CDKAL1: variants seen among roughly 807,000 people sequenced by gnomAD.
The protein encoded by CDKAL1 is CDKAL1 threonylcarbamoyladenosine tRNA methylthiotransferase.
Under a neutral mutation model 68.2 loss-of-function variants are expected in CDKAL1, and 32 were observed. The observed-to-expected ratio is 0.47, with a 90% CI of 0.35 to 0.63. The LOEUF (loss-of-function observed/expected upper bound fraction) is 0.63, where lower values mean the gene tolerates loss of function less well. Among genes scored for constraint, CDKAL1 ranks in the 30% least tolerant of loss-of-function variants. CDKAL1 has a pLI of 0.00. For synonymous variants in CDKAL1, 234 were observed against 244.3 expected (o/e 0.96, Z 0.39); for missense variants, 606 against 696.7 (o/e 0.87, Z 1.47).
intron 12 of CDKAL1, among the ~76,000 whole-genome samples, chr6:21,101,185 A>G (rs1255066226): frequency 6.6e-6 from 1 of 152,222 alleles, no homozygotes; most frequent in Non-Finnish European, 1.5e-5. Context: ...GCAGTAGCTG[A>G]AAGACAGTAG....
At chr6:21,169,733 A>G (rs1354116664) in intron 13 of CDKAL1, among the ~76,000 whole-genome samples, 1 of 152,162 alleles carries the variant, frequency 6.6e-6, no homozygotes, top group Non-Finnish European at 1.5e-5. Context: ...TTTATAAAGG[A>G]AAGAGGCTTA....
At chr6:20,758,555 C>T (rs755587392) in intron 6 of CDKAL1, 40 bp from the exon 7 acceptor site, 26 of 1,570,060 alleles carry the variant, frequency 1.7e-5, no homozygotes, top group Admixed American at 7.4e-5. Flanking sequence ...TTTGTTTCTT[C>T]GTGTAAATTA....
Position 20,767,650 on chromosome 6 carries a change from ACTTTT to A in CDKAL1, c.517+9012_517+9016del, listed in dbSNP as rs528223502. ...GAATAATTAATTAGGTGTAGGATAA[ACTTTT>A]CTTTAGTGATGTTATGGATCTTTTC... On this transcript the variant is annotated intron_variant, in intron 7 of 15. Transcript: ENST00000274695. Among the ~76,000 whole-genome samples, 124 of 152,240 alleles carry A rather than the reference ACTTTT, an allele frequency of 8.1e-4. 1 individual carries two copies. The highest frequency in any genetic ancestry group is 2.7e-3 in the African/African-American group (114 of 41,566).
intron 9 of CDKAL1, among the ~76,000 whole-genome samples, chr6:20,847,709 A>T (rs558390662): frequency 6.6e-6 from 1 of 152,342 alleles, no homozygotes; most frequent in South Asian, 2.1e-4. Flanking sequence ...TCATGGCTTT[A>T]TATGGACACA....
At chr6:20,732,808 C>T (rs1411242307) in intron 5 of CDKAL1, among the ~76,000 whole-genome samples, 1 of 152,078 alleles carries the variant, frequency 6.6e-6, no homozygotes, top group Admixed American at 6.5e-5. Flanking sequence ...TTCATTTTTC[C>T]CATGTAGTTT....
intron 13 of CDKAL1, among the ~76,000 whole-genome samples, chr6:21,193,769 G>A (rs1272746220): frequency 6.6e-6 from 1 of 151,920 alleles, no homozygotes; most frequent in African/African-American, 2.4e-5. Context: ...TCCTATCCTT[G>A]AATGTTACAA....
chr6:20,810,238 C>T (rs929939022), intron 8 of CDKAL1, among the ~76,000 whole-genome samples: 42 of 152,224 alleles, frequency 2.8e-4, no homozygotes, highest in African/African-American at 9.9e-4. Flanking sequence ...TGTCTTCCAC[C>T]ACCCTTGCCC....
chr6:20,944,799 T>C (rs1764155758), intron 9 of CDKAL1, among the ~76,000 whole-genome samples: 1 of 152,222 alleles, frequency 6.6e-6, no homozygotes, highest in South Asian at 2.1e-4. Flanking sequence ...GATATATATG[T>C]TATTATAATG....
chr6:21,203,000 T>C (rs1778750923), intron 15 of CDKAL1, among the ~76,000 whole-genome samples: 1 of 152,018 alleles, frequency 6.6e-6, no homozygotes, highest in South Asian at 2.1e-4. Flanking sequence ...GGTAGGAATA[T>C]TGATTTGGGT....
At chr6:20,770,220 G>A (rs1215156127) in intron 7 of CDKAL1, among the ~76,000 whole-genome samples, 4 of 151,932 alleles carry the variant, frequency 2.6e-5, no homozygotes, top group Non-Finnish European at 5.9e-5. Flanking sequence ...ATGCTATAAA[G>A]GTGCTTAAAT....
rs1314019503 is a variant in CDKAL1, at chr6:21,000,316, G to GA, written c.1003dup (p.Arg335LysfsTer7). 1 of 1,613,912 alleles carries GA rather than the reference G, an allele frequency of 6.2e-7. No individual in the cohort carries two copies. The highest frequency in any genetic ancestry group is 1.1e-5 in the South Asian group (1 of 91,078). Reference sequence around the variant, plus strand: ...CCTCCGACAGCGTACTCATGGAAATGAAAAGAGAATACTGTGTGGCTGACT... The same window carrying GA: ...CCTCCGACAGCGTACTCATGGAAATGAAAAAGAGAATACTGTGTGGCTGACT... On this transcript the variant is annotated frameshift_variant, in exon 11 of 16. Transcript: ENST00000274695. LOFTEE classifies it high-confidence loss of function.
At chr6:21,075,431 T>C (rs1420182265) in intron 12 of CDKAL1, among the ~76,000 whole-genome samples, 1 of 152,126 alleles carries the variant, frequency 6.6e-6, no homozygotes, top group African/African-American at 2.4e-5. Flanking sequence ...TTTAGTTGAA[T>C]TTTGTATTTG....
intron 5 of CDKAL1, among the ~76,000 whole-genome samples, chr6:20,706,099 A>G (rs1413264734): frequency 6.6e-6 from 1 of 152,180 alleles, no homozygotes; most frequent in Non-Finnish European, 1.5e-5. Context: ...TCACAGGACA[A>G]TAGGAGAGGT....
intron 7 of CDKAL1, among the ~76,000 whole-genome samples, chr6:20,773,478 AT>A (rs1775031223): frequency 6.6e-6 from 1 of 152,256 alleles, no homozygotes; most frequent in South Asian, 2.1e-4. Flanking sequence ...CTTAAATAAA[AT>A]TCAAATTGAT....
At chr6:20,642,145 T>C (rs1209432920) in intron 4 of CDKAL1, among the ~76,000 whole-genome samples, 4 of 152,238 alleles carry the variant, frequency 2.6e-5, no homozygotes, top group African/African-American at 9.6e-5. Context: ...GAGATATAAA[T>C]GCAAAACCAT....
intron 8 of CDKAL1, among the ~76,000 whole-genome samples, chr6:20,810,627 G>GGGGTGT (rs1343511045): frequency 1.1e-4 from 15 of 134,770 alleles, no homozygotes; most frequent in African/African-American, 4.1e-4. Flanking sequence ...TGTATGTATG[G>GGGGTGT]GTGTGTGTGT....
At chr6:20,895,369 A>G (rs1037492633) in intron 9 of CDKAL1, among the ~76,000 whole-genome samples, 7 of 152,218 alleles carry the variant, frequency 4.6e-5, no homozygotes, top group African/African-American at 7.2e-5. Flanking sequence ...TTCCTTACCT[A>G]TAAATGAAAT....
chr6:21,066,549 C>T (rs549298916), intron 12 of CDKAL1, among the ~76,000 whole-genome samples: 1 of 152,328 alleles, frequency 6.6e-6, no homozygotes, highest in South Asian at 2.1e-4. Flanking sequence ...CAACCTACTA[C>T]ATGACAATCA....
chr6:20,752,348 C>A (rs1280221331), intron 6 of CDKAL1, among the ~76,000 whole-genome samples: 2 of 151,976 alleles, frequency 1.3e-5, no homozygotes, highest in African/African-American at 4.8e-5. Flanking sequence ...ATTCCACTTC[C>A]TGCCATAAAA....
Sources: allele counts gnomAD v4.1 joint callset (sites outside exome capture counted in the v4.1 genomes callset), GRCh38; gene constraint gnomAD v4.1.1; transcripts MANE v1.5; gene names NCBI Gene and HGNC (gene_info 2026-07-23, HGNC 2026-07-21).